Variants in HCN4 observed in about 807,000 individuals in gnomAD.
The protein encoded by HCN4 is hyperpolarization activated cyclic nucleotide gated potassium channel 4.
Under a neutral mutation model 76.9 loss-of-function variants are expected in HCN4, and 29 were observed. The observed-to-expected ratio is 0.38, with a 90% confidence interval of 0.28 to 0.51. The LOEUF is 0.51. Ranked by LOEUF, HCN4 falls within the 20% of genes least tolerant of loss-of-function variation. The pLI is 0.90. For synonymous variants in HCN4, 772 were observed against 762.5 expected, an observed-to-expected ratio of 1.01 and a Z score of -0.21; for missense variants, 1,416 against 1,715.2, an observed-to-expected ratio of 0.83 and a Z score of 3.08.
Position 73,367,688 on chromosome 15 carries a change from C to A in HCN4, c.583G>T (p.Ala195Ser). The A allele has an allele frequency of 6.2e-7, 1 of 1,601,966 alleles. No homozygotes were observed. Among genetic ancestry groups the A allele is most frequent in the Non-Finnish European group, 8.5e-7 (1 of 1,179,522 alleles). ...DTAIKVEGGA[A>S]AGDQILPEAE... ...TCCGGGAGGATCTGGTCGCCGGCAGCCGCGCCTCCCTCCACTTTGATAGCG... is the reference window on the plus strand; with the variant it reads ...TCCGGGAGGATCTGGTCGCCGGCAGACGCGCCTCCCTCCACTTTGATAGCG... Residue 195 changes from alanine (A) to serine (S), a missense_variant, in exon 1 of 8, where the codon GCT (alanine) becomes TCT (serine). By Grantham distance (99) the Ala-to-Ser change is moderately conservative. This residue lies in a region of HCN4 where 355 missense variants were observed against 347.8 expected (regional missense o/e 1.02). Coordinates refer to ENST00000261917, the MANE Select transcript of HCN4 (RefSeq NM_005477.3). This position sits in a 1 kb window ranked among gnomAD's most constrained non-coding sequence, Gnocchi z 7.5.
At chr15:73,354,201 G>A (rs1184661105) in intron 1 of HCN4, among the ~76,000 whole-genome samples, 2 of 152,110 alleles carry the variant, frequency 1.3e-5, no homozygotes, top group African/African-American at 2.4e-5. Flanking sequence ...AGTTTGTTTC[G>A]TTTTGTTTTT....
In HCN4 at chr15:73,323,011, G is replaced by A. The variant is rs1375231724; in HGVS notation, c.3082C>T (p.Pro1028Ser). Residue 1028 changes from proline to serine, a missense_variant, in exon 8 of 8, where the codon CCT becomes TCT. Pro to Ser is a moderately conservative substitution (Grantham distance 74, BLOSUM62 -1). Coordinates refer to ENST00000261917, the MANE Select transcript of HCN4 (RefSeq NM_005477.3). ...CTTGGGGGGCCTGGGCTGTGGCCAG[G>A]GGGGCTGAGACCTCCTCGGGGAGTA... ...GFTPRGGLSP[P>S]GHSPGPPRTF... is the part of the protein sequence containing the mutation. The A allele has an allele frequency of 4.1e-6, 6 of 1,470,806 alleles. No homozygotes were observed. In the South Asian group the frequency reaches 7.1e-5, roughly 17 times the overall value. 91.1% of individuals were successfully genotyped at this position (1,470,806 alleles called of 1,614,324 possible). A position where few individuals can be genotyped will look rare whatever the true frequency, so the allele number is the denominator to read the frequency against.
At chr15:73,339,404 G>A (rs368557282) in intron 2 of HCN4, among the ~76,000 whole-genome samples, 5 of 152,216 alleles carry the variant, frequency 3.3e-5, no homozygotes, top group African/African-American at 1.2e-4. Context: ...GAAGCCTGGG[G>A]TCAGGAGTCT....
At chr15:73,342,555 C>T (rs546156601) in intron 2 of HCN4, among the ~76,000 whole-genome samples, 74 of 152,284 alleles carry the variant, frequency 4.9e-4, no homozygotes, top group Non-Finnish European at 8.7e-4. Context: ...CAAGGTGTGG[C>T]GCACACTATC....
At chr15:73,351,316 G>A (rs1412416789) in intron 1 of HCN4, among the ~76,000 whole-genome samples, 1 of 152,186 alleles carries the variant, frequency 6.6e-6, no homozygotes, top group African/African-American at 2.4e-5. Flanking sequence ...CCATGGCCTT[G>A]TTATTCTGCT....
chr15:73,340,882 G>A (rs1332669675), intron 2 of HCN4: 1 of 152,234 alleles, frequency 6.6e-6, no homozygotes, highest in Non-Finnish European at 1.5e-5. Flanking sequence ...GAGAAGGCGG[G>A]AAGTGCATGG....
At chr15:73,360,892 T>G (rs1051912532) in intron 1 of HCN4, among the ~76,000 whole-genome samples, 1 of 152,094 alleles carries the variant, frequency 6.6e-6, no homozygotes, top group Admixed American at 6.5e-5. Context: ...CGTGGCTGGG[T>G]GTAAGACAGT....
At chr15:73,349,287 CACTT>C (rs779463219) in intron 1 of HCN4, among the ~76,000 whole-genome samples, 4 of 152,100 alleles carry the variant, frequency 2.6e-5, no homozygotes, top group Non-Finnish European at 5.9e-5. Context: ...ACTTTTTGGA[CACTT>C]ACCATTTGCC....
chr15:73,341,997 G>A (rs1038187468), intron 2 of HCN4, among the ~76,000 whole-genome samples: 1 of 152,236 alleles, frequency 6.6e-6, no homozygotes, highest in Non-Finnish European at 1.5e-5. Flanking sequence ...CAGCCACGCG[G>A]CACAGGGATG....
chr15:73,330,775 C>T, intron 3 of HCN4, among the ~76,000 whole-genome samples: 1 of 152,224 alleles, frequency 6.6e-6, no homozygotes, highest in East Asian at 1.9e-4. Flanking sequence ...CAGAGCTGAG[C>T]TGGCTCCTTG....
In HCN4 at chr15:73,352,308, G is replaced by A. The variant is rs142531237; in HGVS notation, c.786-8500C>T. On this transcript the variant is annotated intron_variant, in intron 1 of 7. Coordinates refer to ENST00000261917, the MANE Select transcript of HCN4 (RefSeq NM_005477.3). ...GAGCCCAGCAGAAGCCACATGATGC[G>A]GGCAGCCCTCAGAAACAGACTCCTT... 3.0e-4 allele frequency among the ~76,000 whole-genome samples: 46 copies of A among 152,262 alleles called. No homozygotes were observed. The Middle Eastern group carries it at 0.01, about 34-fold the overall frequency.
intron 1 of HCN4, among the ~76,000 whole-genome samples, chr15:73,363,229 G>C (rs2043113825): frequency 6.6e-6 from 1 of 152,220 alleles, no homozygotes; most frequent in Non-Finnish European, 1.5e-5. Flanking sequence ...CAGACCCAGA[G>C]TCAGGCTGCT....
At position 73,320,557 on chromosome 15, in the gene HCN4, G is replaced by A. The variant is rs962196282; in HGVS notation, c.*1924C>T. Reference sequence around the variant, plus strand: ...GGGGCAGACCCCTGACCTTGGCTCTGGCAAGATCCCATCTGGGAGGAGGGA... The same window carrying A: ...GGGGCAGACCCCTGACCTTGGCTCTAGCAAGATCCCATCTGGGAGGAGGGA... On this transcript the variant is annotated 3_prime_UTR_variant, in exon 8 of 8. Transcript: ENST00000261917. 4 of 152,182 alleles carry A rather than the reference G, an allele frequency of 2.6e-5. No homozygotes were observed. The highest frequency in any genetic ancestry group is 7.2e-5 in the African/African-American group (3 of 41,424). 9.4% of individuals were successfully genotyped at this position (152,182 alleles called of 1,614,324 possible).
intron 4 of HCN4, among the ~76,000 whole-genome samples, chr15:73,326,280 C>T (rs142221346): frequency 1.1e-4 from 17 of 152,254 alleles, no homozygotes; most frequent in Non-Finnish European, 1.8e-4. Flanking sequence ...CAATCAGAAA[C>T]GGGGCAGCCT....
chr15:73,368,142 G>A lies in HCN4; in HGVS notation c.129C>T (p.Pro43=), dbSNP rs1233159739. The change falls in exon 1 of 8, where the codon CCC becomes CCT. Residue 43 remains proline (P), a synonymous_variant. Coordinates refer to ENST00000261917, the MANE Select transcript of HCN4 (RefSeq NM_005477.3). This position sits in a 1 kb window ranked among gnomAD's most constrained non-coding sequence, Gnocchi z 6.9. ...GCCGCAGCCGGATGCTCCTGCGGCT[G>A]GGGTCTTGGCGGCCCCCGGCCCCCT... ...EEEGAGGRQD[P]SRRSIRLRPL... The A allele has an allele frequency of 1.3e-6, 2 of 1,519,860 alleles. No homozygotes were observed. The highest frequency in any genetic ancestry group is 1.8e-6 in the Non-Finnish European group (2 of 1,135,582). 94.1% of individuals were successfully genotyped at this position (1,519,860 alleles called of 1,614,324 possible).
chr15:73,367,529 T>G lies in HCN4; in HGVS notation c.742A>C (p.Lys248Gln). The stretch of plus-strand genomic sequence containing the variant: ...TGGATAATCCAAAATCCGGCCGACT[T>G]GACCCTCTCCTGTTCGCGCTCCACG... ...KAVEREQERVKSAGFWIIHPY... is the reference protein window; with the variant it reads ...KAVEREQERVQSAGFWIIHPY... The change falls in exon 1 of 8, where the codon AAG becomes CAG. Residue 248 changes from lysine (K) to glutamine (Q), a missense_variant. By Grantham distance (53) the Lys-to-Gln change is moderately conservative. Coordinates refer to ENST00000261917, the MANE Select transcript of HCN4 (RefSeq NM_005477.3). This position sits in a 1 kb window ranked among gnomAD's most constrained non-coding sequence, Gnocchi z 7.5. 1.9e-6 allele frequency: 3 copies of G among 1,614,020 alleles called. No homozygotes were observed. The highest frequency in any genetic ancestry group is 1.7e-6 in the Non-Finnish European group (2 of 1,180,014).
intron 1 of HCN4, among the ~76,000 whole-genome samples, chr15:73,351,776 T>C (rs1044953379): frequency 3.9e-5 from 6 of 152,230 alleles, no homozygotes; most frequent in Non-Finnish European, 8.8e-5. Flanking sequence ...TCCTCACTGT[T>C]GTCCCCAAGG....
Position 73,343,670 on chromosome 15 carries a change from G to A in HCN4, c.924C>T (p.Ile308=), listed in dbSNP as rs1256500370. 1.1e-5 allele frequency: 17 copies of A among 1,614,046 alleles called. No homozygotes were observed. The highest frequency in any genetic ancestry group is 1.6e-4 in the Middle Eastern group (1 of 6,084). Residue 308 remains isoleucine (I), a synonymous_variant, in exon 2 of 8, where the codon ATC becomes ATT. Coordinates refer to ENST00000261917, the MANE Select transcript of HCN4 (RefSeq NM_005477.3). This position sits in a 1 kb window ranked among gnomAD's most constrained non-coding sequence, Gnocchi z 5.7. The stretch of plus-strand genomic sequence containing the variant: ...CTGTGCGGAAGTTGAGGACCAAGTC[G>A]ATGAGGAAGAATGTGTCTGACACCA... ...FNVVSDTFFL[I]DLVLNFRTGI... is the part of the protein sequence containing the mutation.
Position 73,323,234 on chromosome 15 carries a change from TCC to T in HCN4, c.2857_2858del (p.Gly953ThrfsTer18). 6.6e-7 allele frequency: 1 copy of T among 1,524,826 alleles called. No homozygotes were observed. The highest frequency in any genetic ancestry group is 8.8e-7 in the Non-Finnish European group (1 of 1,137,378). The allele number at this position is 1,524,826 out of a possible 1,614,324, so 94.5% of individuals were successfully genotyped here. ...PAPPGARGGLGLPEHFLPPPP... is the reference protein window; with the variant it reads ...PAPPGARGGLXLPEHFLPPPP... ...GGGGTGGCAGGAAGTGCTCCGGGAG[TCC>T]CAGGCCTCCCCGGGCCCCGGGTGGC... On this transcript the variant is annotated frameshift_variant, in exon 8 of 8. Transcript: ENST00000261917. LOFTEE classifies it high-confidence loss of function.
Sources: allele counts gnomAD v4.1 joint callset (sites outside exome capture counted in the v4.1 genomes callset), GRCh38; gene constraint gnomAD v4.1.1; regional missense constraint gnomAD v4.1.1; non-coding constraint Gnocchi (gnomAD v3.1); transcripts MANE v1.5; gene names NCBI Gene and HGNC (gene_info 2026-07-23, HGNC 2026-07-21).